Variants in THRB observed in about 807,000 individuals in gnomAD.
THRB encodes the protein nuclear receptor subfamily 1 group A member 2.
A neutral mutation model predicts 47.8 loss-of-function variants in THRB; 12 were observed. The observed-to-expected ratio is 0.25, with a 90% confidence interval of 0.16 to 0.41. The LOEUF is 0.41. Among genes scored for constraint, THRB ranks in the 10% least tolerant of loss-of-function variants. The pLI is 1.00. For missense variants in THRB, 348 were observed against 589.2 expected (o/e 0.59, Z 4.24); for synonymous variants, 218 against 212.2 (o/e 1.03, Z -0.24).
At chr3:24,141,101 A>T (rs919181138) in intron 8 of THRB, among the ~76,000 whole-genome samples, 1 of 152,270 alleles carries the variant, frequency 6.6e-6, no homozygotes, top group Non-Finnish European at 1.5e-5. Flanking sequence ...AGCAGATTAA[A>T]GATCTACAAA....
intron 3 of THRB, among the ~76,000 whole-genome samples, chr3:24,284,796 G>A (rs2055068589): frequency 6.6e-6 from 1 of 151,524 alleles, no homozygotes; most frequent in South Asian, 2.1e-4. Context: ...CTTCTCAAAA[G>A]AAGACATTTA....
At chr3:24,242,856 C>A (rs942670846) in intron 3 of THRB, among the ~76,000 whole-genome samples, 1 of 152,034 alleles carries the variant, frequency 6.6e-6, no homozygotes, top group Non-Finnish European at 1.5e-5. Context: ...CAGCCCCATC[C>A]CAGTTTGCAC....
At chr3:24,463,779 T>C (rs1314252027) in intron 1 of THRB, among the ~76,000 whole-genome samples, 3 of 152,222 alleles carry the variant, frequency 2.0e-5, no homozygotes, top group Non-Finnish European at 4.4e-5. Flanking sequence ...TTGAGAGCAG[T>C]CTGTCAGCAA....
intron 5 of THRB, among the ~76,000 whole-genome samples, chr3:24,170,856 A>AT (rs2040338611): frequency 6.6e-6 from 1 of 151,762 alleles, no homozygotes; most frequent in Non-Finnish European, 1.5e-5. Context: ...ATCCATGTGC[A>AT]TTTAAAAAAA....
At chr3:24,423,303 TA>T (rs545193155) in intron 1 of THRB, among the ~76,000 whole-genome samples, 249 of 151,942 alleles carry the variant, frequency 1.6e-3, no homozygotes, top group Non-Finnish European at 3.3e-3. Context: ...TAACAATAGA[TA>T]ACTGAAGTAG....
intron 3 of THRB, among the ~76,000 whole-genome samples, chr3:24,233,571 GAA>G (rs1491455757): frequency 0.098 from 6,384 of 64,878 alleles, 265 homozygotes; most frequent in Non-Finnish European, 0.12. Context: ...AAGAAAGAAA[GAA>G]AGAAAGAAAG....
chr3:24,367,540 A>T (rs1468590177), intron 1 of THRB, among the ~76,000 whole-genome samples: 5 of 152,170 alleles, frequency 3.3e-5, no homozygotes, highest in Admixed American at 6.5e-5. Flanking sequence ...GCTCAGTTTG[A>T]CCAGGTTCAA....
intron 1 of THRB, among the ~76,000 whole-genome samples, chr3:24,483,438 T>C (rs955546576): frequency 1.3e-5 from 2 of 152,018 alleles, no homozygotes; most frequent in African/African-American, 2.4e-5. Flanking sequence ...TCTGTCAACA[T>C]ACCAAGAATC....
intron 1 of THRB, among the ~76,000 whole-genome samples, chr3:24,457,032 C>T (rs573499960): frequency 3.3e-5 from 5 of 151,888 alleles, no homozygotes; most frequent in Non-Finnish European, 7.4e-5. Context: ...TATTGGACTA[C>T]ACAATATTTA....
chr3:24,154,922 G>A (rs1245805342), intron 5 of THRB, among the ~76,000 whole-genome samples: 1 of 152,226 alleles, frequency 6.6e-6, no homozygotes, highest in African/African-American at 2.4e-5. Flanking sequence ...AGAACCAATT[G>A]TGATACACTT....
At chr3:24,266,367 G>C (rs1306226137) in intron 3 of THRB, among the ~76,000 whole-genome samples, 2 of 152,124 alleles carry the variant, frequency 1.3e-5, no homozygotes, top group African/African-American at 4.8e-5. Context: ...CCACCTCTGA[G>C]ACAATACTGA....
chr3:24,238,424 C>G (rs565092065), intron 3 of THRB, among the ~76,000 whole-genome samples: 53 of 151,940 alleles, frequency 3.5e-4, no homozygotes, highest in Non-Finnish European at 6.5e-4. Context: ...AGGTGACTCA[C>G]TGAGACACAT....
intron 1 of THRB, among the ~76,000 whole-genome samples, chr3:24,382,262 AAAAAT>A (rs537753823): frequency 3.3e-5 from 5 of 152,250 alleles, no homozygotes; most frequent in African/African-American, 9.6e-5. Flanking sequence ...CATTAGGAAA[AAAAAT>A]AAAATAAAGT....
At chr3:24,263,778 T>A (rs2052343421) in intron 3 of THRB, among the ~76,000 whole-genome samples, 1 of 152,156 alleles carries the variant, frequency 6.6e-6, no homozygotes, top group Non-Finnish European at 1.5e-5. Context: ...CTTTCATTCA[T>A]AAATTAAAGA....
chr3:24,297,724 C>G (rs2056566828), intron 2 of THRB, among the ~76,000 whole-genome samples: 1 of 152,204 alleles, frequency 6.6e-6, no homozygotes, highest in Non-Finnish European at 1.5e-5. Flanking sequence ...GAGAGCTGTT[C>G]CACACTTGAT....
Position 24,167,672 on chromosome 3 carries a change from C to A in THRB, c.284-15182G>T, listed in dbSNP as rs548894595. ...AGTCTCTTTTTCTGGTTAAGAGCTG[C>A]GTGTTGAATCCATTCGATTTTGCAG... is the stretch of plus-strand genomic sequence containing the variant. On this transcript the variant is annotated intron_variant, in intron 5 of 10. Coordinates refer to ENST00000646209, the MANE Select transcript of THRB (RefSeq NM_001354712.2). Among the ~76,000 whole-genome samples the A allele has an allele frequency of 6.6e-5, 10 of 152,226 alleles. No individual in the cohort carries two copies. In the South Asian group the frequency reaches 1.7e-3, roughly 25 times the overall value.
intron 3 of THRB, among the ~76,000 whole-genome samples, chr3:24,272,058 A>G (rs545900826): frequency 6.6e-6 from 1 of 152,302 alleles, no homozygotes; most frequent in South Asian, 2.1e-4. Flanking sequence ...AAATTTTCCT[A>G]TAGTCTGGGC....
chr3:24,130,149 T>C (rs762469231), intron 9 of THRB, among the ~76,000 whole-genome samples: 14 of 152,116 alleles, frequency 9.2e-5, no homozygotes, highest in Non-Finnish European at 2.1e-4. Context: ...GCTGTAAAGG[T>C]GCTCCCACCA....
intron 3 of THRB, among the ~76,000 whole-genome samples, chr3:24,281,002 G>C (rs906770620): frequency 6.6e-6 from 1 of 152,154 alleles, no homozygotes; most frequent in Non-Finnish European, 1.5e-5. Context: ...AACCAAGTTG[G>C]AAAACACTCT....
Sources: gnomAD v4.1 joint callset for allele counts (sites outside exome capture counted in the v4.1 genomes callset) on GRCh38, gnomAD v4.1.1 for gene constraint, MANE v1.5 for transcripts, NCBI Gene and HGNC (gene_info 2026-07-23, HGNC 2026-07-21) for gene names.